SMYD1: variants seen among roughly 807,000 people sequenced by gnomAD.
SMYD1 encodes the protein SET and MYND domain containing 1.
A neutral mutation model predicts 54.0 loss-of-function variants in SMYD1; 49 were observed. That is an observed-to-expected ratio of 0.91 (90% CI 0.72 to 1.15). The LOEUF is 1.15. Ranked by LOEUF, SMYD1 falls within the 50% of genes most tolerant of loss-of-function variation. SMYD1 has a pLI of 0.00. For synonymous variants in SMYD1, 269 were observed against 234.2 expected (o/e 1.15, Z -1.36); for missense variants, 653 against 639.6 (o/e 1.02, Z -0.23).
At chr2:88,074,078 C>T (rs1221321361) in intron 1 of SMYD1, among the ~76,000 whole-genome samples, 1 of 152,166 alleles carries the variant, frequency 6.6e-6, no homozygotes, top group Non-Finnish European at 1.5e-5. Flanking sequence ...GTTGCCAAGG[C>T]TGGTCTCAAA....
intron 4 of SMYD1, 89 bp from the exon 5 acceptor site, chr2:88,093,428 G>T: frequency 6.7e-7 from 1 of 1,482,726 alleles, no homozygotes; most frequent in South Asian, 1.1e-5. Context: ...TTGATACTGT[G>T]ACCCAGAATG....
intron 9 of SMYD1, among the ~76,000 whole-genome samples, chr2:88,108,923 T>C (rs2104018723): frequency 6.6e-6 from 1 of 152,190 alleles, no homozygotes; most frequent in South Asian, 2.1e-4. Context: ...CAGGCTTTTT[T>C]CAACAAGCAG....
chr2:88,109,524 G>T (rs546681000), intron 9 of SMYD1, among the ~76,000 whole-genome samples: 18 of 152,320 alleles, frequency 1.2e-4, no homozygotes, highest in African/African-American at 3.8e-4. Flanking sequence ...AAATGGTGCT[G>T]CTGATGTCCT....
chr2:88,091,677 G>A (rs1010360107), intron 4 of SMYD1, among the ~76,000 whole-genome samples: 9 of 152,048 alleles, frequency 5.9e-5, no homozygotes, highest in Non-Finnish European at 1.0e-4. Context: ...TGATACCCCC[G>A]TATCTATAAA....
intron 1 of SMYD1, among the ~76,000 whole-genome samples, chr2:88,078,027 G>A (rs115022586): frequency 0.011 from 1,637 of 152,280 alleles, 32 homozygotes; most frequent in African/African-American, 0.037. Flanking sequence ...GCCCGACCAG[G>A]ATGGGCATTT....
intron 4 of SMYD1, among the ~76,000 whole-genome samples, chr2:88,091,603 G>A (rs1674463597): frequency 6.6e-6 from 1 of 152,162 alleles, no homozygotes; most frequent in Admixed American, 6.5e-5. Context: ...CCAGCTCTTT[G>A]GGAGCCCGAG....
At chr2:88,090,883 T>A (rs1674445267) in intron 3 of SMYD1, 129 bp from the exon 4 acceptor site, 1 of 1,018,262 alleles carries the variant, frequency 9.8e-7, no homozygotes, top group Non-Finnish European at 1.4e-6. Flanking sequence ...CTAATTGTTC[T>A]GTGTCCAGAC....
At chr2:88,110,245 G>A (rs1283358030) in intron 9 of SMYD1, 109 bp from the exon 10 acceptor site, 5 of 962,640 alleles carry the variant, frequency 5.2e-6, no homozygotes, top group Non-Finnish European at 7.6e-6. Flanking sequence ...ATTCTGAGGG[G>A]GTAGAGTTGA....
At chr2:88,109,656 G>A (rs1674964879) in intron 9 of SMYD1, among the ~76,000 whole-genome samples, 2 of 152,164 alleles carry the variant, frequency 1.3e-5, no homozygotes, top group South Asian at 4.1e-4. Flanking sequence ...TTTAGGACTG[G>A]CGTGGTCTCA....
intron 6 of SMYD1, among the ~76,000 whole-genome samples, chr2:88,098,637 TAGGAAGAATAC>T (rs1372124593): frequency 6.6e-6 from 1 of 152,184 alleles, no homozygotes; most frequent in Non-Finnish European, 1.5e-5. Context: ...CATAATGTAG[TAGGAAGAATAC>T]TGGAAGAAGA....
rs1276577165 is a variant in SMYD1 at position 88,111,036 on chromosome 2, A to G, written c.*524A>G. ...TGGTCTCACCTGTGGTCTGCAGTAG[A>G]CACAATTGGCTGAGCAGGATATGTG... On this transcript the variant is annotated 3_prime_UTR_variant, in exon 10 of 10. Transcript: ENST00000419482. 1.3e-5 allele frequency: 2 copies of G among 153,006 alleles called. No homozygotes were observed. The highest frequency in any genetic ancestry group is 1.5e-5 in the Non-Finnish European group (1 of 68,574). The allele number at this position is 153,006 out of a possible 1,614,324, so 9.5% of individuals were successfully genotyped here. A position where few individuals can be genotyped will look rare whatever the true frequency, so the allele number is the denominator to read the frequency against.
intron 1 of SMYD1, among the ~76,000 whole-genome samples, chr2:88,083,388 C>T (rs746480425): frequency 3.3e-5 from 5 of 151,956 alleles, no homozygotes; most frequent in African/African-American, 9.7e-5. Flanking sequence ...ATGGGATACA[C>T]GGGGCTCTCT....
intron 1 of SMYD1, among the ~76,000 whole-genome samples, chr2:88,080,258 G>A (rs182456424): frequency 7.9e-5 from 12 of 152,274 alleles, no homozygotes; most frequent in African/African-American, 2.6e-4. Context: ...GTTCACCTAG[G>A]TGATTACCTA....
chr2:88,068,274 G>A (rs1034587937), intron 1 of SMYD1, among the ~76,000 whole-genome samples: 1 of 152,100 alleles, frequency 6.6e-6, no homozygotes, highest in Admixed American at 6.5e-5. Flanking sequence ...TGGCTGAGAG[G>A]GTGTGCTGGG....
intron 1 of SMYD1, among the ~76,000 whole-genome samples, chr2:88,070,007 A>G (rs1673911290): frequency 6.6e-6 from 1 of 152,228 alleles, no homozygotes; most frequent in Non-Finnish European, 1.5e-5. Flanking sequence ...ACCTTCATAT[A>G]CATTGCAGAT....
intron 8 of SMYD1, among the ~76,000 whole-genome samples, chr2:88,107,083 C>T (rs1275892237): frequency 6.6e-6 from 1 of 152,032 alleles, no homozygotes; most frequent in Non-Finnish European, 1.5e-5. Context: ...CACCTGTAGT[C>T]CCAGCTACTT....
chr2:88,090,713 G>A (rs2919852), intron 3 of SMYD1, among the ~76,000 whole-genome samples: 39,047 of 152,066 alleles, frequency 0.26, 5,208 homozygotes, highest in Middle Eastern at 0.3. Context: ...GAATACTCAT[G>A]TAAGACCCAG....
rs1160699044 is a variant in SMYD1 at position 88,112,505 on chromosome 2, C to T, written c.*1993C>T. On this transcript the variant is annotated 3_prime_UTR_variant, in exon 10 of 10. Transcript: ENST00000419482. ...TCCTGGATCCTTGACATTTGTCACC[C>T]CACTGGCCTTCTCAGGTGCAATCAG... 2 of 246,086 alleles carry T rather than the reference C, an allele frequency of 8.1e-6. No individual in the cohort carries two copies. The highest frequency in any genetic ancestry group is 8.0e-5 in the East Asian group (1 of 12,500). 15.2% of individuals were successfully genotyped at this position (246,086 alleles called of 1,614,324 possible).
intron 1 of SMYD1, among the ~76,000 whole-genome samples, chr2:88,071,133 A>G (rs2919879): frequency 0.74 from 113,104 of 152,016 alleles, 45,191 homozygotes; most frequent in East Asian, 0.99. Context: ...TGAAACTAAT[A>G]AAATGAATAA....
Sources: allele counts gnomAD v4.1 joint callset (sites outside exome capture counted in the v4.1 genomes callset), GRCh38; gene constraint gnomAD v4.1.1; transcripts MANE v1.5; gene names NCBI Gene and HGNC (gene_info 2026-07-23, HGNC 2026-07-21).